The following LAMA4 variants were observed in gnomAD, a reference collection of about 807,000 sequenced individuals.
LAMA4 encodes laminin subunit alpha 4.
A neutral mutation model predicts 207.1 loss-of-function variants in LAMA4; 127 were observed. The observed-to-expected ratio is 0.61, with a 90% confidence interval of 0.53 to 0.71. LAMA4 has a LOEUF of 0.71. Ranked by LOEUF, LAMA4 falls within the 30% of genes least tolerant of loss-of-function variation. LAMA4 has a pLI of 0.00. For missense variants in LAMA4, 2,093 were observed against 2,246.5 expected, an observed-to-expected ratio of 0.93 and a Z score of 1.38; for synonymous variants, 761 against 816.0, an observed-to-expected ratio of 0.93 and a Z score of 1.15.
intron 3 of LAMA4, 122 bp from the exon 4 acceptor site, chr6:112,207,267 T>A: frequency 9.6e-7 from 1 of 1,042,432 alleles, no homozygotes; most frequent in Non-Finnish European, 1.5e-6. Context: ...GCACAGACTG[T>A]ATGCGGCAGT....
chr6:112,227,014 T>C (rs2115111306), intron 2 of LAMA4, among the ~76,000 whole-genome samples: 1 of 152,014 alleles, frequency 6.6e-6, no homozygotes, highest in African/African-American at 2.4e-5. Flanking sequence ...GGGATGAGAC[T>C]GAGAAAGAGT....
chr6:112,237,761 C>T (rs975759988), intron 2 of LAMA4, among the ~76,000 whole-genome samples: 2 of 152,198 alleles, frequency 1.3e-5, no homozygotes, highest in East Asian at 3.9e-4. Context: ...AGAACCTTGG[C>T]GATGATCCCA....
rs781862080 is a variant in LAMA4 at position 112,191,824 on chromosome 6, G to C, written c.530C>G (p.Pro177Arg). The change falls in exon 6 of 39, where the codon CCC (proline) becomes CGC (arginine). Residue 177 changes from proline to arginine, a missense_variant. Around this residue, in one of 3 missense-constraint regions of LAMA4, gnomAD observed 1,704 missense variants for 1,788.4 expected, o/e 0.95. Transcript: ENST00000230538. ...CTTACAGGTGCTTCCAATGAGTAAG[G>C]GGTTTCCATAGTAACCGGGAGCACA... Reference protein sequence around the residue: ...ERCAPGYYGNPLLIGSTCKKC... With the variant: ...ERCAPGYYGNRLLIGSTCKKC... 6 of 1,613,828 alleles carry C rather than the reference G, an allele frequency of 3.7e-6. No homozygotes were observed. The highest frequency in any genetic ancestry group is 5.1e-6 in the Non-Finnish European group (6 of 1,179,838).
chr6:112,238,350 G>A (rs1410086438), intron 2 of LAMA4, among the ~76,000 whole-genome samples: 21 of 152,086 alleles, frequency 1.4e-4, no homozygotes, highest in Admixed American at 1.4e-3. Flanking sequence ...AGTGTCCCTG[G>A]ATACCTAAGA....
intron 18 of LAMA4, 73 bp downstream of exon 18, chr6:112,148,084 T>C: frequency 6.9e-7 from 1 of 1,446,296 alleles, no homozygotes; most frequent in South Asian, 1.2e-5. Flanking sequence ...AAACTGTTTT[T>C]TGACAAAAGA....
At chr6:112,140,434 T>C (rs868930969) in intron 22 of LAMA4, among the ~76,000 whole-genome samples, 7 of 152,202 alleles carry the variant, frequency 4.6e-5, no homozygotes, top group Admixed American at 1.3e-4. Flanking sequence ...AAGCTGAAGA[T>C]TAGATCTAAA....
chr6:112,136,866 A>G (rs1441598689), intron 24 of LAMA4, among the ~76,000 whole-genome samples: 1 of 152,210 alleles, frequency 6.6e-6, no homozygotes, highest in Non-Finnish European at 1.5e-5. Context: ...AATCTTGAAA[A>G]TAGAGTATAG....
intron 7 of LAMA4, among the ~76,000 whole-genome samples, 189 bp from the exon 8 acceptor site, chr6:112,187,790 C>T (rs1458640945): frequency 6.6e-6 from 1 of 152,162 alleles, no homozygotes; most frequent in African/African-American, 2.4e-5. Context: ...TGGCTATTGG[C>T]TAGACGCTCC....
intron 12 of LAMA4, among the ~76,000 whole-genome samples, chr6:112,167,604 T>A (rs1781454348): frequency 6.6e-6 from 1 of 152,138 alleles, no homozygotes; most frequent in Non-Finnish European, 1.5e-5. Context: ...GTTTAGTAAT[T>A]TAGAAGTCCA....
chr6:112,156,755 G>C (rs1780741678), intron 14 of LAMA4, among the ~76,000 whole-genome samples: 1 of 152,004 alleles, frequency 6.6e-6, no homozygotes, highest in Admixed American at 6.6e-5. Flanking sequence ...CTGACCTGTT[G>C]AGCTCGGTAA....
chr6:112,220,045 TA>T (rs782602237), intron 2 of LAMA4, among the ~76,000 whole-genome samples: 71 of 152,264 alleles, frequency 4.7e-4, no homozygotes, highest in Admixed American at 8.5e-4. Context: ...CTGAAATGGA[TA>T]AAAAATGTAA....
intron 5 of LAMA4, among the ~76,000 whole-genome samples, chr6:112,196,226 T>C (rs1336370825): frequency 6.6e-6 from 1 of 152,168 alleles, no homozygotes; most frequent in Non-Finnish European, 1.5e-5. Context: ...AACTAAATTA[T>C]TAACTATATT....
intron 2 of LAMA4, among the ~76,000 whole-genome samples, chr6:112,243,427 T>C (rs1373009720): frequency 6.6e-6 from 1 of 152,224 alleles, no homozygotes; most frequent in Non-Finnish European, 1.5e-5. Context: ...TTTAACTTAT[T>C]TATTAAATAA....
intron 19 of LAMA4, 43 bp from the exon 20 acceptor site, chr6:112,142,335 T>C (rs782470284): frequency 6.3e-7 from 1 of 1,586,370 alleles, no homozygotes; most frequent in East Asian, 2.2e-5. Flanking sequence ...TTTGCAGAAA[T>C]GGGCAGAGTG....
At chr6:112,110,044 G>T (rs1554321127) in intron 38 of LAMA4, among the ~76,000 whole-genome samples, 3 of 152,072 alleles carry the variant, frequency 2.0e-5, no homozygotes, top group Non-Finnish European at 4.4e-5. Flanking sequence ...CTACATTTTT[G>T]CCTGTTCATA....
rs782722022 is a variant in LAMA4, at chr6:112,216,399, T to C, written c.266A>G (p.Asn89Ser). The change falls in exon 3 of 39, where the codon AAC becomes AGC. Residue 89 changes from asparagine to serine, a missense_variant. Coordinates refer to ENST00000230538, the MANE Select transcript of LAMA4 (RefSeq NM_001105206.3). ...GTATCCTGAGCCGTCCAAACACTCG[T>C]TGGAATTGCCATTACAGTCGCAGGG... The part of the protein sequence containing the change: ...CVPCDCNGNS[N>S]ECLDGSGYCV... 6 of 1,613,902 alleles carry C rather than the reference T, an allele frequency of 3.7e-6. No individual in the cohort carries two copies. The African/African-American group carries it at 5.3e-5, about 14-fold the overall frequency.
Position 112,253,936 on chromosome 6 carries a change from C to A in LAMA4, c.195+20G>T. 1 of 1,607,712 alleles carries A rather than the reference C, an allele frequency of 6.2e-7. No individual in the cohort carries two copies. Among genetic ancestry groups the A allele is most frequent in the Non-Finnish European group, 8.5e-7 (1 of 1,176,536 alleles). Reference sequence around the variant, plus strand: ...GGGCGCAGGTGCCCCAGCAGGGTGGCAATGGCAGGGACACTGTACCTCGGC... The same window carrying A: ...GGGCGCAGGTGCCCCAGCAGGGTGGAAATGGCAGGGACACTGTACCTCGGC... On this transcript the variant is annotated intron_variant, in intron 2 of 38. Transcript: ENST00000230538.
rs1778877447 is a variant in LAMA4, at chr6:112,129,160, G to A, written c.4134-85C>T. 3.2e-6 allele frequency: 4 copies of A among 1,257,282 alleles called. No homozygotes were observed. In the East Asian group the frequency reaches 1.0e-4, roughly 32 times the overall value. 77.9% of individuals were successfully genotyped at this position (1,257,282 alleles called of 1,614,324 possible). ...AATATTATGGAAGTGAAAGAGCTTT[G>A]GCAATTAAAATGTGTGTGTGTGTGT... On this transcript the variant is annotated intron_variant, in intron 30 of 38. Transcript: ENST00000230538.
In LAMA4 at chr6:112,114,922, C is replaced by T. The variant is rs73541486; in HGVS notation, c.5113-166G>A. 0.049 allele frequency among the ~76,000 whole-genome samples: 7,386 copies of T among 152,182 alleles called. 604 individuals carry two copies. Among genetic ancestry groups the T allele is most frequent in the African/African-American group, 0.17 (6,943 of 41,518 alleles). ...CTTTGGCAGCCTATAGAAATAGGTT[C>T]AACTGGGGGTGCTCTTTGGGGAGAG... On this transcript the variant is annotated intron_variant, in intron 36 of 38. Coordinates refer to ENST00000230538, the MANE Select transcript of LAMA4 (RefSeq NM_001105206.3).
Sources: allele counts gnomAD v4.1 joint callset (sites outside exome capture counted in the v4.1 genomes callset), GRCh38; gene constraint gnomAD v4.1.1; regional missense constraint gnomAD v4.1.1; transcripts MANE v1.5; gene names NCBI Gene and HGNC (gene_info 2026-07-23, HGNC 2026-07-21).